UBR3: variants seen among roughly 807,000 people sequenced by gnomAD.
UBR3 encodes ubiquitin protein ligase E3 component n-recognin 3.
A neutral mutation model predicts 243.2 loss-of-function variants in UBR3; 85 were observed. The ratio of observed to expected loss-of-function variants is 0.35; its 90% CI spans 0.29 to 0.42. The LOEUF (loss-of-function observed/expected upper bound fraction) is 0.42, where lower values mean the gene tolerates loss of function less well. Ranked by LOEUF, UBR3 falls within the 10% of genes least tolerant of loss-of-function variation. The pLI, the probability that UBR3 is intolerant of heterozygous loss-of-function variation, is 1.00. For synonymous variants in UBR3, 748 were observed against 799.8 expected (o/e 0.94, Z 1.09); for missense variants, 1,686 against 2,300.8 (o/e 0.73, Z 5.47).
intron 1 of UBR3, among the ~76,000 whole-genome samples, chr2:169,836,065 A>ATCTTTTT (rs1558999105): frequency 3.6e-5 from 1 of 27,930 alleles, no homozygotes; most frequent in East Asian, 1.7e-3. Flanking sequence ...ATATATATAT[A>ATCTTTTT]TATTTTTTTT....
Position 169,877,570 on chromosome 2 carries a change from T to G in UBR3, c.921T>G (p.Tyr307Ter). 1 of 1,549,928 alleles carries G rather than the reference T, an allele frequency of 6.5e-7. No homozygotes were observed. Among genetic ancestry groups the G allele is most frequent in the Non-Finnish European group, 8.7e-7 (1 of 1,146,620 alleles). ...CTTTAAAGAGCTCTGGACTTACATA[T>G]CCTGAGGATAAGCTTGTATATGGTG... Reference protein sequence around the residue: ...LIALKSSGLTYPEDKLVYGVQ... With the variant: ...LIALKSSGLT Residue 307 changes from tyrosine (Y) to a stop codon, truncating the protein, a stop_gained, in exon 4 of 39, where the codon TAT (tyrosine) becomes TAG (stop). Coordinates refer to ENST00000272793, the MANE Select transcript of UBR3 (RefSeq NM_172070.4). LOFTEE classifies it high-confidence loss of function.
At chr2:170,002,036 C>A (rs920510188) in intron 27 of UBR3, among the ~76,000 whole-genome samples, 3 of 151,694 alleles carry the variant, frequency 2.0e-5, no homozygotes, top group African/African-American at 7.3e-5. Flanking sequence ...TAATATCCTA[C>A]CATGTCACCT....
chr2:169,925,003 C>G (rs1311986353), intron 13 of UBR3, among the ~76,000 whole-genome samples: 1 of 152,106 alleles, frequency 6.6e-6, no homozygotes, highest in African/African-American at 2.4e-5. Flanking sequence ...CACTGCACTC[C>G]AGTCTGGCGA....
intron 1 of UBR3, among the ~76,000 whole-genome samples, chr2:169,841,288 A>G (rs1040180564): frequency 8.5e-5 from 13 of 152,094 alleles, no homozygotes; most frequent in Non-Finnish European, 2.9e-5. Context: ...TTGCTTAGAG[A>G]TTTTTTTCTG....
intron 3 of UBR3, among the ~76,000 whole-genome samples, chr2:169,876,590 C>T: frequency 8.3e-6 from 1 of 120,878 alleles, no homozygotes; most frequent in Non-Finnish European, 1.9e-5. Flanking sequence ...CAGAGTCTTG[C>T]TCTGTTGCCC....
chr2:169,931,274 C>T (rs1035722255), intron 18 of UBR3, among the ~76,000 whole-genome samples: 1 of 145,502 alleles, frequency 6.9e-6, no homozygotes. Context: ...TGGCGTGAAC[C>T]TGGGAGGCGG....
chr2:170,055,227 G>A (rs1290795258), intron 32 of UBR3, among the ~76,000 whole-genome samples: 1 of 152,112 alleles, frequency 6.6e-6, no homozygotes, highest in East Asian at 1.9e-4. Flanking sequence ...TGAGAGGATC[G>A]CTTGAGCTTG....
intron 5 of UBR3, 122 bp downstream of exon 5, chr2:169,878,696 A>G (rs2083709303): frequency 1.1e-6 from 1 of 912,892 alleles, no homozygotes; most frequent in Admixed American, 2.8e-5. Context: ...TATGTAGTTT[A>G]AGTTTCTCAT....
chr2:169,923,851 T>C, intron 11 of UBR3, 78 bp from the exon 12 acceptor site: 1 of 1,207,844 alleles, frequency 8.3e-7, no homozygotes, highest in Non-Finnish European at 1.1e-6. Flanking sequence ...GGTGAGAGTA[T>C]GGTTTAAACA....
chr2:170,006,404 A>G (rs2089912660), intron 27 of UBR3, among the ~76,000 whole-genome samples: 1 of 152,224 alleles, frequency 6.6e-6, no homozygotes, highest in Admixed American at 6.5e-5. Context: ...AGTTAATGTC[A>G]AAAAGTGAAA....
intron 23 of UBR3, among the ~76,000 whole-genome samples, chr2:169,957,519 A>G (rs1437834546): frequency 7.1e-6 from 1 of 140,968 alleles, no homozygotes; most frequent in Non-Finnish European, 1.5e-5. Flanking sequence ...CAGTGAGAAC[A>G]CTTGGACACA....
chr2:170,042,731 T>G (rs949901110), intron 32 of UBR3, among the ~76,000 whole-genome samples: 2 of 151,454 alleles, frequency 1.3e-5, no homozygotes, highest in African/African-American at 2.4e-5. Context: ...TTTTTTTTTT[T>G]TGTGGGGGAT....
chr2:170,069,246 G>T (rs6761682), intron 35 of UBR3, among the ~76,000 whole-genome samples: 1 of 152,024 alleles, frequency 6.6e-6, no homozygotes, highest in Non-Finnish European at 1.5e-5. Flanking sequence ...AGAAAGGATA[G>T]TACACTATAA....
intron 19 of UBR3, among the ~76,000 whole-genome samples, chr2:169,936,272 T>C (rs989690503): frequency 1.3e-5 from 2 of 152,100 alleles, no homozygotes; most frequent in Non-Finnish European, 2.9e-5. Context: ...TTGGTCAGTC[T>C]GGTCTCGAAC....
rs372222754 is a variant in UBR3, at chr2:169,895,629, A to G, written c.1236+318A>G. Among the ~76,000 whole-genome samples, 36 of 152,350 alleles carry G rather than the reference A, an allele frequency of 2.4e-4. No homozygotes were observed. In the South Asian group the frequency reaches 7.5e-3, roughly 32 times the overall value. On this transcript the variant is annotated intron_variant, in intron 7 of 38. Transcript: ENST00000272793. ...AATATGTAGTTACAAATTGTTCTAA[A>G]TCCTCTGAAGAAGAGTACAAGGTGC...
chr2:169,859,289 T>C (rs1359435058), intron 1 of UBR3, among the ~76,000 whole-genome samples: 1 of 152,082 alleles, frequency 6.6e-6, no homozygotes, highest in Non-Finnish European at 1.5e-5. Flanking sequence ...GCCAGGATGG[T>C]CTCGATCTCC....
chr2:170,058,467 TTTTC>T (rs947267956), intron 33 of UBR3, among the ~76,000 whole-genome samples: 6 of 151,804 alleles, frequency 4.0e-5, no homozygotes, highest in African/African-American at 7.3e-5. Context: ...TCTTTTTTCT[TTTTC>T]TTTTTCTTTC....
At chr2:170,067,541 G>A (rs1396387350) in intron 35 of UBR3, among the ~76,000 whole-genome samples, 8 of 151,916 alleles carry the variant, frequency 5.3e-5, no homozygotes, top group Non-Finnish European at 1.0e-4. Flanking sequence ...CCAACAAACA[G>A]CAGAATATAT....
Position 169,886,100 on chromosome 2 carries a change from T to G in UBR3, c.1039-5065T>G, listed in dbSNP as rs948212819. Among the ~76,000 whole-genome samples the G allele has an allele frequency of 2.7e-5, 4 of 146,194 alleles. No homozygotes were observed. The East Asian group carries it at 8.0e-4, about 29-fold the overall frequency. On this transcript the variant is annotated intron_variant, in intron 5 of 38. Transcript: ENST00000272793. ...TGAACCCGGGAGGTGGAGGTTGAAGTGAGCCGAGATCGCGCCACTGCACCC... is the reference window on the plus strand; with the variant it reads ...TGAACCCGGGAGGTGGAGGTTGAAGGGAGCCGAGATCGCGCCACTGCACCC...
Sources: allele counts gnomAD v4.1 joint callset (sites outside exome capture counted in the v4.1 genomes callset), GRCh38; gene constraint gnomAD v4.1.1; transcripts MANE v1.5; gene names NCBI Gene and HGNC (gene_info 2026-07-23, HGNC 2026-07-21).